Variants in ANKRD27 observed in about 807,000 individuals in gnomAD.
ANKRD27 encodes the protein ankyrin repeat domain-containing protein 27.
In ANKRD27, 112 loss-of-function variants were observed where a neutral mutation model predicts 129.7. The ratio of observed to expected loss-of-function variants is 0.86; its 90% confidence interval spans 0.74 to 1.01. ANKRD27 has a LOEUF of 1.01. Ranked by LOEUF, ANKRD27 falls within the 50% of genes least tolerant of loss-of-function variation. The probability of loss-of-function intolerance (pLI) is 0.00; values close to 1 mark genes in which losing one functional copy is unlikely to be tolerated. For missense variants in ANKRD27, 1,258 were observed against 1,300.5 expected (o/e 0.97, Z 0.50); for synonymous variants, 516 against 511.2 (o/e 1.01, Z -0.13).
At chr19:32,672,782 T>C (rs1427924257) in intron 1 of ANKRD27, 3 of 152,388 alleles carry the variant, frequency 2.0e-5, no homozygotes. Flanking sequence ...AGAACCACCA[T>C]GCACCCTCCA....
chr19:32,621,761 C>T (rs1372184934), intron 18 of ANKRD27, among the ~76,000 whole-genome samples: 1 of 152,138 alleles, frequency 6.6e-6, no homozygotes, highest in African/African-American at 2.4e-5. Flanking sequence ...TCTGGACGTC[C>T]ATGCTGGGGT....
chr19:32,664,936 A>AAG (rs1257011934), intron 1 of ANKRD27, among the ~76,000 whole-genome samples: 2 of 139,130 alleles, frequency 1.4e-5, no homozygotes, highest in African/African-American at 5.3e-5. Context: ...AAAAAAAAAA[A>AAG]AAACTGTTAT....
At chr19:32,661,240 C>CAT (rs1568419947) in intron 1 of ANKRD27, among the ~76,000 whole-genome samples, 3 of 150,346 alleles carry the variant, frequency 2.0e-5, no homozygotes, top group African/African-American at 7.4e-5. Flanking sequence ...CACACACACA[C>CAT]ACACACACAC....
Position 32,658,951 on chromosome 19 carries a change from G to C in ANKRD27, c.65C>G (p.Pro22Arg), listed in dbSNP as rs1568419059. ...PFYLALQKCR[P>R]DLCSKVAQIH... Reference sequence around the variant, plus strand: ...TTGGGCCACTTTGCTGCACAAGTCAGGGCGGCACTTTTGCAGAGCCAGATA... The same window carrying C: ...TTGGGCCACTTTGCTGCACAAGTCACGGCGGCACTTTTGCAGAGCCAGATA... Residue 22 changes from proline to arginine, a missense_variant, in exon 2 of 29, where the codon CCT becomes CGT. By Grantham distance (103) the Pro-to-Arg change is moderately radical. Transcript: ENST00000306065. 6.2e-7 allele frequency: 1 copy of C among 1,614,144 alleles called. No individual in the cohort carries two copies. Among genetic ancestry groups the C allele is most frequent in the Non-Finnish European group, 8.5e-7 (1 of 1,180,042 alleles).
At chr19:32,647,285 G>A (rs1369477741) in intron 3 of ANKRD27, among the ~76,000 whole-genome samples, 2 of 152,150 alleles carry the variant, frequency 1.3e-5, no homozygotes, top group Non-Finnish European at 2.9e-5. Flanking sequence ...ATTAGATTAC[G>A]GTTTTACAGT....
intron 26 of ANKRD27, 65 bp downstream of exon 26, chr19:32,601,950 G>A: frequency 2.1e-6 from 2 of 975,248 alleles, no homozygotes; most frequent in Non-Finnish European, 1.6e-6. Context: ...ATGAACACCA[G>A]CAACTACTCA....
chr19:32,656,054 G>GAAAGAAAGA (rs1325713590), intron 2 of ANKRD27, among the ~76,000 whole-genome samples: 11 of 35,668 alleles, frequency 3.1e-4, no homozygotes, highest in African/African-American at 1.1e-3. Flanking sequence ...AGAAAGAAAA[G>GAAAGAAAGA]AAAGAAAAGA....
intron 21 of ANKRD27, among the ~76,000 whole-genome samples, chr19:32,616,598 AAGGC>A (rs1218194886): frequency 6.6e-6 from 1 of 151,562 alleles, no homozygotes; most frequent in Non-Finnish European, 1.5e-5. Flanking sequence ...CAAAGGGCCA[AAGGC>A]AAGCCAGGGG....
intron 25 of ANKRD27, among the ~76,000 whole-genome samples, chr19:32,603,509 G>C (rs990415150): frequency 1.3e-5 from 2 of 152,164 alleles, no homozygotes; most frequent in South Asian, 2.1e-4. Context: ...AAGGCAGTAG[G>C]CCAATAATCA....
chr19:32,653,126 C>T (rs1967450951), intron 2 of ANKRD27, among the ~76,000 whole-genome samples: 2 of 152,178 alleles, frequency 1.3e-5, no homozygotes, highest in South Asian at 2.1e-4. Context: ...CCAAGTTCCC[C>T]ATTGATCGTG....
At chr19:32,631,779 G>A (rs529788754) in intron 12 of ANKRD27, among the ~76,000 whole-genome samples, 3 of 152,284 alleles carry the variant, frequency 2.0e-5, no homozygotes, top group East Asian at 1.9e-4. Flanking sequence ...CGTGGAATGC[G>A]GCGCACACAC....
chr19:32,643,347 G>A lies in ANKRD27; in HGVS notation c.645C>T (p.Tyr215=), dbSNP rs745794393. 11 of 1,613,770 alleles carry A rather than the reference G, an allele frequency of 6.8e-6. No individual in the cohort carries two copies. Among genetic ancestry groups the A allele is most frequent in the South Asian group, 4.4e-5 (4 of 91,074 alleles). The part of the protein sequence containing the change: ...MNLMKQAVEI[Y]VHHEIYNLIF... Reference sequence around the variant, plus strand: ...TCAGGTTGTAAATTTCATGATGGACGTATATCTGTGGAATCAACAGACCCC... The same window carrying A: ...TCAGGTTGTAAATTTCATGATGGACATATATCTGTGGAATCAACAGACCCC... The change falls in exon 8 of 29, where the codon TAC becomes TAT. Residue 215 remains tyrosine, a synonymous_variant. Transcript: ENST00000306065.
At chr19:32,672,338 ACCTATAACATTTAGAGAT>A in intron 1 of ANKRD27, among the ~76,000 whole-genome samples, 1 of 152,318 alleles carries the variant, frequency 6.6e-6, no homozygotes, top group South Asian at 2.1e-4. Flanking sequence ...TGTCCTCCTG[ACCTATAACATTTAGAGAT>A]CCTGTCCATA....
At chr19:32,615,045 C>T (rs377044) in intron 22 of ANKRD27, among the ~76,000 whole-genome samples, 91,953 of 151,888 alleles carry the variant, frequency 0.61, 28,722 homozygotes, top group Non-Finnish European at 0.69. Context: ...CCCTGGGGGG[C>T]TTTAGGTACC....
chr19:32,627,972 C>T lies in ANKRD27; in HGVS notation c.1420+111G>A. 2 of 960,802 alleles carry T rather than the reference C, an allele frequency of 2.1e-6. 1 individual carries two copies. The highest frequency in any genetic ancestry group is 3.0e-5 in the South Asian group (2 of 66,934). The allele number at this position is 960,802 out of a possible 1,614,324, so 59.5% of individuals were successfully genotyped here. A position where few individuals can be genotyped will look rare whatever the true frequency, so the allele number is the denominator to read the frequency against. On this transcript the variant is annotated intron_variant, in intron 15 of 28. Transcript: ENST00000306065. ...CTTGGAGGGTGGACCCACGATGCAG[C>T]CCCAACTGCCAACCCCCACCCAGCC... is the stretch of plus-strand genomic sequence containing the variant.
Position 32,615,097 on chromosome 19 carries a change from C to T in ANKRD27, c.2175+561G>A, listed in dbSNP as rs1004188422. Among the ~76,000 whole-genome samples, 9 of 152,266 alleles carry T rather than the reference C, an allele frequency of 5.9e-5. No individual in the cohort carries two copies. The South Asian group carries it at 6.2e-4, about 11-fold the overall frequency. ...AGCATCTGTTCATAAGCTCCTGCCACGGGACTCAGGGGCCCAGATAGCAGC... is the reference window on the plus strand; with the variant it reads ...AGCATCTGTTCATAAGCTCCTGCCATGGGACTCAGGGGCCCAGATAGCAGC... On this transcript the variant is annotated intron_variant, in intron 22 of 28. Coordinates refer to ENST00000306065, the MANE Select transcript of ANKRD27 (RefSeq NM_032139.3).
At chr19:32,628,473 G>A (rs1029263140) in intron 14 of ANKRD27, among the ~76,000 whole-genome samples, 4 of 152,222 alleles carry the variant, frequency 2.6e-5, no homozygotes, top group African/African-American at 4.8e-5. Context: ...CCCCCTTTCT[G>A]AGGCTGGGGC....
Position 32,658,896 on chromosome 19 carries a change from G to A in ANKRD27, c.102+18C>T, listed in dbSNP as rs202101651. On this transcript the variant is annotated intron_variant, in intron 2 of 28. Coordinates refer to ENST00000306065, the MANE Select transcript of ANKRD27 (RefSeq NM_032139.3). Reference sequence around the variant, plus strand: ...ACCATTCATGCCTCAGGACAACCCCGAGGCTCAGTGCACTTACAATGCCAT... The same window carrying A: ...ACCATTCATGCCTCAGGACAACCCCAAGGCTCAGTGCACTTACAATGCCAT... 2.6e-5 allele frequency: 42 copies of A among 1,606,054 alleles called. No homozygotes were observed. The highest frequency in any genetic ancestry group is 1.7e-4 in the Middle Eastern group (1 of 6,050).
At chr19:32,652,795 G>C (rs259241) in intron 2 of ANKRD27, among the ~76,000 whole-genome samples, 85,102 of 151,800 alleles carry the variant, frequency 0.56, 25,526 homozygotes, top group Non-Finnish European at 0.67. Context: ...AGGCGTGGTG[G>C]TGCACGCCTG....
Sources: gnomAD v4.1 joint callset for allele counts (sites outside exome capture counted in the v4.1 genomes callset) on GRCh38, gnomAD v4.1.1 for gene constraint, MANE v1.5 for transcripts, NCBI Gene and HGNC (gene_info 2026-07-23, HGNC 2026-07-21) for gene names.